The following CP variants were observed in gnomAD, a reference collection of about 807,000 sequenced individuals.
CP encodes ceruloplasmin.
A neutral mutation model predicts 122.4 loss-of-function variants in CP; 64 were observed. The ratio of observed to expected loss-of-function variants is 0.52; its 90% CI spans 0.43 to 0.64. The LOEUF (loss-of-function observed/expected upper bound fraction) is 0.64, where lower values mean the gene tolerates loss of function less well. Among genes scored for constraint, CP ranks in the 30% least tolerant of loss-of-function variants. CP has a pLI of 0.00. For missense variants in CP, 1,167 were observed against 1,284.4 expected, an observed-to-expected ratio of 0.91 and a Z score of 1.40; for synonymous variants, 440 against 436.4, an observed-to-expected ratio of 1.01 and a Z score of -0.10.
At position 149,186,638 on chromosome 3, in the gene CP, G is replaced by A. The variant is rs148289431; in HGVS notation, c.1959C>T (p.Ala653=). ...CTGAAAAGTATATTCCATGTACATC[G>A]GCCTCATTTCCGGCGCTGAATAAGT... ...VWYLFSAGNE[A]DVHGIYFSGN... The change falls in exon 11 of 19, where the codon GCC becomes GCT. Residue 653 remains alanine, a synonymous_variant. Coordinates refer to ENST00000264613, the MANE Select transcript of CP (RefSeq NM_000096.4). 45 of 1,613,838 alleles carry A rather than the reference G, an allele frequency of 2.8e-5. No homozygotes were observed. Among genetic ancestry groups the A allele is most frequent in the African/African-American group, 2.1e-4 (16 of 74,856 alleles).
chr3:149,206,273 C>G lies in CP; in HGVS notation c.1103G>C (p.Gly368Ala). Residue 368 changes from glycine to alanine, a missense_variant, in exon 6 of 19, where the codon GGG becomes GCG. Around this residue, in one of 2 missense-constraint regions of CP, gnomAD observed 642 missense variants for 627.3 expected, o/e 1.02. Coordinates refer to ENST00000264613, the MANE Select transcript of CP (RefSeq NM_000096.4). ...NKSSSKDNIR[G>A]KHVRHYYIAA... ...AATGTAGTAGTGTCTAACATGCTTC[C>G]CACGGATATTATCCTTTGATGAAGA... is the stretch of plus-strand genomic sequence containing the variant. The G allele has an allele frequency of 6.2e-7, 1 of 1,613,964 alleles. No individual in the cohort carries two copies. Among genetic ancestry groups the G allele is most frequent in the Non-Finnish European group, 8.5e-7 (1 of 1,179,892 alleles).
chr3:149,197,039 C>T (rs1184380777), intron 9 of CP, among the ~76,000 whole-genome samples: 1 of 152,052 alleles, frequency 6.6e-6, no homozygotes, highest in Admixed American at 6.5e-5. Context: ...AAAAAGCACC[C>T]CCACTGAGCA....
chr3:149,205,361 T>C (rs865997669), intron 6 of CP, among the ~76,000 whole-genome samples: 3 of 149,054 alleles, frequency 2.0e-5, no homozygotes, highest in Non-Finnish European at 3.0e-5. Context: ...ATTTTGCATA[T>C]CCAGCTAGAA....
At chr3:149,163,003 C>T (rs1724044725) in intron 5 of CP, 1 of 829,132 alleles carries the variant, frequency 1.2e-6, no homozygotes, top group South Asian at 1.5e-5. Context: ...CTTATTTATG[C>T]AGGAGTTAAA....
intron 1 of CP, among the ~76,000 whole-genome samples, chr3:149,213,524 G>T (rs546924508): frequency 2.1e-4 from 32 of 152,156 alleles, no homozygotes; most frequent in African/African-American, 7.7e-4. Context: ...TCTATTCATG[G>T]GCAACATCAT....
chr3:149,183,198 T>G (rs1725899346), intron 13 of CP, among the ~76,000 whole-genome samples: 1 of 152,144 alleles, frequency 6.6e-6, no homozygotes, highest in Non-Finnish European at 1.5e-5. Context: ...TCACTAAAAC[T>G]ACAGGCATCA....
At chr3:149,188,007 A>G in intron 10 of CP, 45 bp downstream of exon 10, 1 of 1,595,074 alleles carries the variant, frequency 6.3e-7, no homozygotes, top group Non-Finnish European at 8.6e-7. Flanking sequence ...TTACATATGC[A>G]GTACTAAAAT....
At position 149,176,406 on chromosome 3, in the gene CP, C is replaced by T. The variant is rs146842948; in HGVS notation, c.3025G>A (p.Gly1009Arg). ...TCAAAGACATCAGAACTATAAACTC[C>T]CCTGTGCTTAATTAGAAAAATGACA... is the stretch of plus-strand genomic sequence containing the variant. ...HGHSFQYKHR[G>R]VYSSDVFDIF... Residue 1009 changes from glycine (G) to arginine (R), a missense_variant, in exon 18 of 19, where the codon GGA (glycine) becomes AGA (arginine). Physicochemically the swap from Gly to Arg is moderately radical, Grantham distance 125 (BLOSUM62 -2). This residue lies in a region of CP where 525 missense variants were observed against 657.2 expected (regional missense o/e 0.80). Transcript: ENST00000264613. 6 of 1,607,724 alleles carry T rather than the reference C, an allele frequency of 3.7e-6. No individual in the cohort carries two copies. In the African/African-American group the frequency reaches 6.7e-5, roughly 18 times the overall value.
At chr3:149,162,633 C>G (rs978896217) in exon 6 of CP, 8 of 1,548,512 alleles carry the variant, frequency 5.2e-6, no homozygotes, top group African/African-American at 1.4e-5. Context: ...GCCCAGCTGT[C>G]GCTTTATCAG....
intron 5 of CP, among the ~76,000 whole-genome samples, chr3:149,206,643 A>G (rs190468820): frequency 7.9e-5 from 12 of 152,334 alleles, no homozygotes; most frequent in Middle Eastern, 3.4e-3. Flanking sequence ...AAAAAGAACA[A>G]ATCTGTAGAT....
At chr3:149,178,050 T>C in intron 16 of CP, 71 bp from the exon 17 acceptor site, 1 of 1,367,194 alleles carries the variant, frequency 7.3e-7, no homozygotes, top group Non-Finnish European at 1.0e-6. Flanking sequence ...AAAGAAAATA[T>C]GATTATTAGG....
Position 149,212,693 on chromosome 3 carries a change from T to A in CP, c.152A>T (p.His51Leu). The A allele has an allele frequency of 1.2e-6, 2 of 1,613,602 alleles. No individual in the cohort carries two copies. Among genetic ancestry groups the A allele is most frequent in the Non-Finnish European group, 1.7e-6 (2 of 1,179,890 alleles). ...EKKLISVDTE[H>L]SNIYLQNGPD... ...GCCATTTTGAAGATAGATATTGGAA[T>A]GTTCCCTGCAAAGAAAAACAAGACA... is the stretch of plus-strand genomic sequence containing the variant. The change falls in exon 2 of 19, where the codon CAT becomes CTT. Residue 51 changes from histidine to leucine, a missense_variant. By Grantham distance (99) the His-to-Leu change is moderately conservative. Transcript: ENST00000264613.
chr3:149,209,129 A>G, intron 4 of CP, 82 bp downstream of exon 4: 1 of 1,554,712 alleles, frequency 6.4e-7, no homozygotes, highest in Admixed American at 1.7e-5. Flanking sequence ...CACAGTACTT[A>G]TTTATGTGAG....
chr3:149,218,004 C>T (rs73019064), intron 1 of CP: 2,903 of 263,528 alleles, frequency 0.011, 85 homozygotes, highest in African/African-American at 0.065. Context: ...ATGAAAAACC[C>T]GGTAATAATG....
At position 149,213,631 on chromosome 3, in the gene CP, GGTGTGTGTGTGT is replaced by G. The variant is rs71135672; in HGVS notation, c.147-945_147-934del. 9.5e-4 allele frequency among the ~76,000 whole-genome samples: 136 copies of G among 143,852 alleles called. 1 individual carries two copies. The highest frequency in any genetic ancestry group is 7.1e-3 in the East Asian group (35 of 4,900). 94.4% of individuals were successfully genotyped at this position (143,852 alleles called of 152,430 possible). A position where few individuals can be genotyped will look rare whatever the true frequency, so the allele number is the denominator to read the frequency against. Reference sequence around the variant, plus strand: ...TGAATAAAAACTGCTCATCATCATGGGTGTGTGTGTGTGTGTGTGTGTGTGTGTGTGTGTGTG... The same window carrying G: ...TGAATAAAAACTGCTCATCATCATGGGTGTGTGTGTGTGTGTGTGTGTGTG... On this transcript the variant is annotated intron_variant, in intron 1 of 18. Coordinates refer to ENST00000264613, the MANE Select transcript of CP (RefSeq NM_000096.4).
chr3:149,162,737 CTT>C lies in CP; in HGVS notation c.*150_*151del, dbSNP rs868868714. ...ATACAATTCCTCAGCTCTTGGTAGA[CTT>C]TTGGGAAGCTCAGCTAGTGGCATGT... On this transcript the variant is annotated 3_prime_UTR_variant, in exon 6 of 6. Coordinates refer to the CP transcript ENST00000479771. 2.5e-6 allele frequency: 4 copies of C among 1,613,896 alleles called. No individual in the cohort carries two copies. The highest frequency in any genetic ancestry group is 3.4e-6 in the Non-Finnish European group (4 of 1,179,950).
chr3:149,205,748 A>G (rs1441519111), intron 6 of CP, among the ~76,000 whole-genome samples: 3 of 152,170 alleles, frequency 2.0e-5, no homozygotes, highest in Admixed American at 1.3e-4. Flanking sequence ...AAAGAGTGGA[A>G]GAAGGTTGTT....
rs1576762279 is a variant in CP at position 149,199,881 on chromosome 3, AATT to A, written c.1349-20_1349-18del. The A allele has an allele frequency of 6.2e-7, 1 of 1,613,010 alleles. No homozygotes were observed. Among genetic ancestry groups the A allele is most frequent in the Non-Finnish European group, 8.5e-7 (1 of 1,179,102 alleles). On this transcript the variant is annotated intron_variant, in intron 7 of 18. Transcript: ENST00000264613. ...TGACAGGACCTGGGAACAAAGAGAGAATTATTATCCTTCCTTGGTATGTAACAT... is the reference window on the plus strand; with the variant it reads ...TGACAGGACCTGGGAACAAAGAGAGAATTATCCTTCCTTGGTATGTAACAT...
Position 149,209,303 on chromosome 3 carries a change from C to T in CP, c.689G>A (p.Trp230Ter), listed in dbSNP as rs1342439175. The T allele has an allele frequency of 6.2e-7, 1 of 1,613,716 alleles. No individual in the cohort carries two copies. The highest frequency in any genetic ancestry group is 2.2e-5 in the East Asian group (1 of 44,826). Residue 230 changes from tryptophan (W) to a stop codon, truncating the protein, a stop_gained, in exon 4 of 19, where the codon TGG (tryptophan) becomes TAG (stop). Transcript: ENST00000264613. LOFTEE classifies it high-confidence loss of function. ...GGTTTTAATGTTGTCTTCTAGGTAC[C>T]AGCTGAAATTTTCATCCACCACAGA... Reference protein sequence around the residue: ...MFSVVDENFSWYLEDNIKTYC... With the variant: ...MFSVVDENFS
Sources: gnomAD v4.1 joint callset for allele counts (sites outside exome capture counted in the v4.1 genomes callset) on GRCh38, gnomAD v4.1.1 for gene constraint, gnomAD v4.1.1 regional missense constraint, MANE v1.5 for transcripts, NCBI Gene and HGNC (gene_info 2026-07-23, HGNC 2026-07-21) for gene names.